The following CHN2 variants were observed in gnomAD, a reference collection of about 807,000 sequenced individuals.
The protein encoded by CHN2 is beta-chimaerin.
Under a neutral mutation model 56.3 loss-of-function variants are expected in CHN2, and 35 were observed. The observed-to-expected ratio is 0.62, with a 90% CI of 0.47 to 0.82. The LOEUF (loss-of-function observed/expected upper bound fraction) is 0.82, where lower values mean the gene tolerates loss of function less well. Ranked by LOEUF, CHN2 falls within the 40% of genes least tolerant of loss-of-function variation. The pLI is 0.00. For missense variants in CHN2, 491 were observed against 580.5 expected, an observed-to-expected ratio of 0.85 and a Z score of 1.58; for synonymous variants, 210 against 212.8, an observed-to-expected ratio of 0.99 and a Z score of 0.12.
Position 29,509,347 on chromosome 7 carries a change from G to A in CHN2, c.1176G>A (p.Leu392=). The A allele has an allele frequency of 6.2e-7, 1 of 1,614,124 alleles. No individual in the cohort carries two copies. The highest frequency in any genetic ancestry group is 8.5e-7 in the Non-Finnish European group (1 of 1,179,994). Residue 392 remains leucine, a synonymous_variant, in exon 12 of 13, where the codon CTG becomes CTA. Transcript: ENST00000222792. The part of the protein sequence containing the change: ...DERLEAVHEV[L]MLLPPAHYET... ...GGCTGGAAGCCGTCCATGAAGTGCT[G>A]ATGCTGCTGCCTCCTGCCCACTATG... is the stretch of plus-strand genomic sequence containing the variant.
At chr7:29,395,149 T>C (rs1030865720) in intron 4 of CHN2, among the ~76,000 whole-genome samples, 1 of 152,186 alleles carries the variant, frequency 6.6e-6, no homozygotes, top group Non-Finnish European at 1.5e-5. Context: ...AGAGAGGAAT[T>C]TTGCATTTTT....
chr7:29,439,580 C>A (rs182960023), intron 6 of CHN2, among the ~76,000 whole-genome samples: 12 of 152,300 alleles, frequency 7.9e-5, no homozygotes, highest in African/African-American at 2.9e-4. Flanking sequence ...TCATCCACAT[C>A]CCCCATATGA....
rs143924530 is a variant in CHN2, at chr7:29,295,388, T to C, written c.50-59237T>C. Among the ~76,000 whole-genome samples, 516 of 151,694 alleles carry C rather than the reference T, an allele frequency of 3.4e-3. 2 individuals are homozygous for C. The highest frequency in any genetic ancestry group is 0.012 in the African/African-American group (489 of 41,242). ...GAGGGCAAGATTATATCATACTTTT[T>C]TGGTATTTTCAGCACCTAGAAAATG... On this transcript the variant is annotated intron_variant, in intron 1 of 12. Coordinates refer to ENST00000222792, the MANE Select transcript of CHN2 (RefSeq NM_004067.4).
At chr7:29,290,769 G>C (rs1252168553) in intron 1 of CHN2, among the ~76,000 whole-genome samples, 1 of 152,150 alleles carries the variant, frequency 6.6e-6, no homozygotes, top group Admixed American at 6.5e-5. Context: ...AGCAACTTCA[G>C]TTCTTGCCTC....
At chr7:29,420,633 T>C (rs1037188073) in intron 6 of CHN2, among the ~76,000 whole-genome samples, 5 of 152,174 alleles carry the variant, frequency 3.3e-5, no homozygotes, top group African/African-American at 1.2e-4. Context: ...AGAATGGTTG[T>C]CAAGGGCTGA....
At chr7:29,266,850 T>A (rs1237011905) in intron 1 of CHN2, among the ~76,000 whole-genome samples, 1 of 152,184 alleles carries the variant, frequency 6.6e-6, no homozygotes, top group African/African-American at 2.4e-5. Flanking sequence ...CCAGGAAGCC[T>A]CCACCTCTTC....
chr7:29,254,524 G>A (rs923761733), intron 1 of CHN2, among the ~76,000 whole-genome samples: 1 of 152,174 alleles, frequency 6.6e-6, no homozygotes, highest in South Asian at 2.1e-4. Context: ...AATGTTGTTA[G>A]TTGCAGACAA....
chr7:29,186,114 C>T (rs1798676170), intron 2 of CHN2, among the ~76,000 whole-genome samples: 5 of 152,008 alleles, frequency 3.3e-5, no homozygotes, highest in Admixed American at 3.3e-4. Context: ...AATTTTGATC[C>T]CTTGAAATTC....
intron 1 of CHN2, among the ~76,000 whole-genome samples, chr7:29,254,445 A>G (rs1162302418): frequency 6.6e-6 from 1 of 152,246 alleles, no homozygotes; most frequent in Non-Finnish European, 1.5e-5. Context: ...ACGTTCTGTA[A>G]CAATGAGGAG....
chr7:29,219,965 C>T (rs1253217620), intron 1 of CHN2, among the ~76,000 whole-genome samples: 1 of 152,036 alleles, frequency 6.6e-6, no homozygotes, highest in Non-Finnish European at 1.5e-5. Context: ...GTCCCAGCTA[C>T]TCGGGAGGCT....
chr7:29,375,396 A>G (rs954483465), intron 3 of CHN2, among the ~76,000 whole-genome samples: 7 of 150,874 alleles, frequency 4.6e-5, no homozygotes, highest in African/African-American at 1.7e-4. Flanking sequence ...GGGTTTCACC[A>G]TGTTGGCTGG....
At chr7:29,264,598 A>G (rs1261553915) in intron 1 of CHN2, among the ~76,000 whole-genome samples, 2 of 152,308 alleles carry the variant, frequency 1.3e-5, no homozygotes, top group East Asian at 3.9e-4. Context: ...TTTGTTGAAC[A>G]GATGCTTGAA....
intron 1 of CHN2, among the ~76,000 whole-genome samples, chr7:29,311,555 A>G (rs555390906): frequency 5.3e-5 from 8 of 152,218 alleles, no homozygotes; most frequent in Non-Finnish European, 4.4e-5. Flanking sequence ...GACATCACAG[A>G]TAGGGACTAA....
intron 3 of CHN2, among the ~76,000 whole-genome samples, chr7:29,390,877 C>G (rs938594512): frequency 2.6e-5 from 4 of 152,112 alleles, no homozygotes; most frequent in Admixed American, 2.6e-4. Context: ...CTTTCTGGAT[C>G]TGAGGATCCA....
intron 1 of CHN2, among the ~76,000 whole-genome samples, chr7:29,327,058 C>G (rs1482008990): frequency 1.3e-5 from 2 of 152,152 alleles, no homozygotes; most frequent in Non-Finnish European, 2.9e-5. Flanking sequence ...TACATGGCCT[C>G]ATTTCTGCCT....
intron 3 of CHN2, among the ~76,000 whole-genome samples, chr7:29,379,588 A>T (rs1202549747): frequency 6.6e-6 from 1 of 152,218 alleles, no homozygotes; most frequent in Non-Finnish European, 1.5e-5. Context: ...TAGAACCTAG[A>T]TGATGTGTAT....
At chr7:29,311,354 C>T (rs368252512) in intron 1 of CHN2, among the ~76,000 whole-genome samples, 1 of 152,186 alleles carries the variant, frequency 6.6e-6, no homozygotes, top group South Asian at 2.1e-4. Context: ...CAGAACTGAT[C>T]CTTCTTTATG....
intron 6 of CHN2, among the ~76,000 whole-genome samples, chr7:29,427,728 C>G (rs1040692187): frequency 2.2e-5 from 3 of 137,612 alleles, no homozygotes; most frequent in Non-Finnish European, 4.5e-5. Context: ...GCGATCTTGT[C>G]TCACTGAAAC....
chr7:29,396,338 T>C (rs1801740547), intron 4 of CHN2, among the ~76,000 whole-genome samples: 1 of 151,526 alleles, frequency 6.6e-6, no homozygotes, highest in South Asian at 2.1e-4. Context: ...GTGCCTGTAG[T>C]CCCAGCTACT....
Sources: allele counts gnomAD v4.1 joint callset (sites outside exome capture counted in the v4.1 genomes callset), GRCh38; gene constraint gnomAD v4.1.1; transcripts MANE v1.5; gene names NCBI Gene and HGNC (gene_info 2026-07-23, HGNC 2026-07-21).